The following PROK2 variants were observed in gnomAD, a reference collection of about 807,000 sequenced individuals.
PROK2 encodes prokineticin-2.
Under a neutral mutation model 14.2 loss-of-function variants are expected in PROK2, and 8 were observed. That is an observed-to-expected ratio of 0.56 (90% CI 0.33 to 1.02). The LOEUF (loss-of-function observed/expected upper bound fraction) is 1.02. PROK2 is among the 50% of genes least tolerant of loss of function. The pLI is 0.03. For missense variants in PROK2, 154 were observed against 160.4 expected, an observed-to-expected ratio of 0.96 and a Z score of 0.22; for synonymous variants, 59 against 60.7, an observed-to-expected ratio of 0.97 and a Z score of 0.13.
chr3:71,781,359 A>T, intron 2 of PROK2, 108 bp downstream of exon 2: 1 of 1,393,978 alleles, frequency 7.2e-7, no homozygotes. Context: ...CTAATGTCCA[A>T]TATTCATTTT....
intron 1 of PROK2, among the ~76,000 whole-genome samples, chr3:71,784,442 C>A (rs1578414601): frequency 6.6e-6 from 1 of 152,144 alleles, no homozygotes; most frequent in South Asian, 2.1e-4. Flanking sequence ...GCTCACATGG[C>A]CCTGGACCAA....
chr3:71,774,490 T>C lies in PROK2; in HGVS notation c.240A>G (p.Gly80=). 1 of 1,551,396 alleles carries C rather than the reference T, an allele frequency of 6.4e-7. No homozygotes were observed. The highest frequency in any genetic ancestry group is 8.7e-7 in the Non-Finnish European group (1 of 1,146,822). ...PLTRKNNFGN[G]RQERRKRKRS... ...TCTTCCTCTTTCTTCTTTCCTGCCT[T>C]CCATTTCCAAAATTGTTCTGGAAGG... The change falls in exon 3 of 4, where the codon GGA becomes GGG. Residue 80 remains glycine, a synonymous_variant. Transcript: ENST00000295619.
intron 3 of PROK2, among the ~76,000 whole-genome samples, chr3:71,774,163 TA>T (rs1559624420): frequency 6.6e-6 from 1 of 152,192 alleles, no homozygotes; most frequent in African/African-American, 2.4e-5. Context: ...GTGTATTTCT[TA>T]TTCTGTTCCA....
intron 1 of PROK2, among the ~76,000 whole-genome samples, chr3:71,783,458 C>A (rs1481846536): frequency 2.0e-5 from 3 of 152,190 alleles, no homozygotes; most frequent in Admixed American, 2.0e-4. Context: ...AGATAGACAG[C>A]CAATGTGATA....
intron 1 of PROK2, among the ~76,000 whole-genome samples, chr3:71,782,283 A>G (rs763642361): frequency 3.0e-4 from 45 of 152,232 alleles, no homozygotes; most frequent in Admixed American, 1.0e-3. Flanking sequence ...AGAGCAAATT[A>G]CTGGCTTAGC....
intron 2 of PROK2, among the ~76,000 whole-genome samples, chr3:71,778,461 T>G (rs2108194241): frequency 6.6e-6 from 1 of 152,222 alleles, no homozygotes; most frequent in African/African-American, 2.4e-5. Context: ...AACAGCAAAC[T>G]GAACTCGGTA....
intron 2 of PROK2, among the ~76,000 whole-genome samples, chr3:71,780,091 G>GTAACA (rs1214873079): frequency 2.1e-4 from 32 of 152,212 alleles, no homozygotes; most frequent in Non-Finnish European, 4.1e-4. Context: ...CACAAGTAAC[G>GTAACA]GTTTAAACCT....
Position 71,785,077 on chromosome 3 carries a change from C to A in PROK2, c.-25G>T. ...TGGCGCCCTCGGGACTGGGCGGCCG[C>A]CGGAGGCAGTTGGGGGCGCGGGGCC... On this transcript the variant is annotated 5_prime_UTR_variant, in exon 1 of 4. Transcript: ENST00000295619. 8.2e-7 allele frequency: 1 copy of A among 1,226,974 alleles called. No individual in the cohort carries two copies. 76.0% of individuals were successfully genotyped at this position (1,226,974 alleles called of 1,614,324 possible).
intron 1 of PROK2, among the ~76,000 whole-genome samples, chr3:71,784,179 A>AT (rs2050192286): frequency 1.3e-5 from 2 of 151,794 alleles, no homozygotes; most frequent in South Asian, 4.2e-4. Flanking sequence ...TGCAAACCCA[A>AT]TTTTTTCAGA....
intron 2 of PROK2, among the ~76,000 whole-genome samples, 186 bp downstream of exon 2, chr3:71,781,281 G>T (rs2050157769): frequency 6.6e-6 from 1 of 152,206 alleles, no homozygotes; most frequent in African/African-American, 2.4e-5. Context: ...GAATAAGAAA[G>T]ACAGAGGATA....
At chr3:71,776,482 A>G in intron 2 of PROK2, among the ~76,000 whole-genome samples, 1 of 142,576 alleles carries the variant, frequency 7.0e-6, no homozygotes, top group Non-Finnish European at 1.5e-5. Context: ...GGTTCAAGTG[A>G]TGCTCCCACC....
At chr3:71,781,390 A>T in intron 2 of PROK2, 77 bp downstream of exon 2, 1 of 1,549,584 alleles carries the variant, frequency 6.5e-7, no homozygotes, top group Non-Finnish European at 8.9e-7. Context: ...CACGTTACCC[A>T]GTCCTTCATG....
intron 3 of PROK2, among the ~76,000 whole-genome samples, chr3:71,773,959 C>T (rs1324788212): frequency 6.6e-6 from 1 of 152,194 alleles, no homozygotes; most frequent in Non-Finnish European, 1.5e-5. Context: ...ATCTGCCTGT[C>T]TTACAAGTTA....
chr3:71,772,750 G>T lies in PROK2; in HGVS notation c.364C>A (p.Arg122=). 1.2e-6 allele frequency: 2 copies of T among 1,614,050 alleles called. No individual in the cohort carries two copies. Among genetic ancestry groups the T allele is most frequent in the Non-Finnish European group, 1.7e-6 (2 of 1,179,964 alleles). The change falls in exon 4 of 4, where the codon CGA becomes AGA. Residue 122 remains arginine, a synonymous_variant. Coordinates refer to ENST00000295619, the MANE Select transcript of PROK2 (RefSeq NM_001126128.2). ...GLACLRTSFN[R]FICLAQK is the part of the protein sequence containing the mutation. The stretch of plus-strand genomic sequence containing the variant: ...TACTTTTGGGCTAAACAAATAAATC[G>T]GTTAAATGAAGTCCGTAAACAGGCC...
intron 1 of PROK2, 113 bp downstream of exon 1, chr3:71,784,844 C>T: frequency 3.1e-6 from 3 of 962,686 alleles, no homozygotes; most frequent in South Asian, 5.4e-5. Flanking sequence ...GTGTCCCCGC[C>T]CAGGGCGACC....
At chr3:71,783,457 G>C (rs532424423) in intron 1 of PROK2, among the ~76,000 whole-genome samples, 1 of 152,330 alleles carries the variant, frequency 6.6e-6, no homozygotes, top group African/African-American at 2.4e-5. Context: ...CAGATAGACA[G>C]CCAATGTGAT....
At position 71,774,466 on chromosome 3, in the gene PROK2, C is replaced by T. The variant is rs1188943633; in HGVS notation, c.264G>A (p.Lys88=). The change falls in exon 3 of 4, where the codon AAG becomes AAA. Residue 88 remains lysine, a synonymous_variant. Transcript: ENST00000295619. ...TTACCTCCTTTTTCCTTTTGCTTCT[C>T]TTCCTCTTTCTTCTTTCCTGCCTTC... ...GNGRQERRKR[K]RSKRKKEVPF... 2 of 1,551,400 alleles carry T rather than the reference C, an allele frequency of 1.3e-6. No homozygotes were observed. Among genetic ancestry groups the T allele is most frequent in the Non-Finnish European group, 1.7e-6 (2 of 1,146,822 alleles).
rs58407323 is a variant in PROK2 at position 71,776,364 on chromosome 3, A to ATTTTTTT, written c.223-1864_223-1858dup. 4.7e-3 allele frequency among the ~76,000 whole-genome samples: 356 copies of ATTTTTTT among 75,410 alleles called. 31 individuals carry two copies. The highest frequency in any genetic ancestry group is 0.017 in the African/African-American group (343 of 19,630). 49.5% of individuals were successfully genotyped at this position (75,410 alleles called of 152,430 possible). A position where few individuals can be genotyped will look rare whatever the true frequency, so the allele number is the denominator to read the frequency against. On this transcript the variant is annotated intron_variant, in intron 2 of 3. Transcript: ENST00000295619. ...TTTTCTTTTTTTCTTTTCGCTTTTC[A>ATTTTTTT]TTTTTTTTTTTTTTTTTTTTTTTTT...
At chr3:71,784,033 T>C (rs1337493770) in intron 1 of PROK2, among the ~76,000 whole-genome samples, 1 of 152,262 alleles carries the variant, frequency 6.6e-6, no homozygotes, top group African/African-American at 2.4e-5. Context: ...TCCCATTATG[T>C]GCACTTAAAT....
Sources: gnomAD v4.1 joint callset for allele counts (sites outside exome capture counted in the v4.1 genomes callset) on GRCh38, gnomAD v4.1.1 for gene constraint, MANE v1.5 for transcripts, NCBI Gene and HGNC (gene_info 2026-07-23, HGNC 2026-07-21) for gene names.